EMP2: variants seen among roughly 807,000 people sequenced by gnomAD.
EMP2 encodes the protein epithelial membrane protein 2.
Under a neutral mutation model 13.7 loss-of-function variants are expected in EMP2, and 19 were observed. The observed-to-expected ratio is 1.38, with a 90% confidence interval of 0.97 to 2.03. The LOEUF (loss-of-function observed/expected upper bound fraction) is 2.03, where lower values mean the gene tolerates loss of function less well. EMP2 is among the 30% of genes most tolerant of loss of function. The pLI, the probability that EMP2 is intolerant of heterozygous loss-of-function variation, is 0.00. For synonymous variants in EMP2, 97 were observed against 84.7 expected, an observed-to-expected ratio of 1.15 and a Z score of -0.80; for missense variants, 253 against 220.7, an observed-to-expected ratio of 1.15 and a Z score of -0.93.
chr16:10,549,624 T>G lies in EMP2; in HGVS notation c.-60-1947A>C, dbSNP rs147989176. On this transcript the variant is annotated intron_variant, in intron 1 of 4. Coordinates refer to ENST00000359543, the MANE Select transcript of EMP2 (RefSeq NM_001424.6). ...TACATTTTTTTGGAAAAAAATTAAT[T>G]TGTAGTTTCATGTTTTGAAGTACAG... Among the ~76,000 whole-genome samples, 16 of 152,182 alleles carry G rather than the reference T, an allele frequency of 1.1e-4. No homozygotes were observed. In the East Asian group the frequency reaches 2.9e-3, roughly 28 times the overall value.
chr16:10,543,749 C>T, intron 2 of EMP2, 89 bp from the exon 3 acceptor site: 1 of 1,258,560 alleles, frequency 7.9e-7, no homozygotes, highest in Non-Finnish European at 1.2e-6. Flanking sequence ...TGGTGGGCTT[C>T]CAGGATTCTC....
At position 10,531,793 on chromosome 16, in the gene EMP2, T is replaced by G. The variant is rs1026594945; in HGVS notation, c.*1112A>C. The G allele has an allele frequency of 6.5e-6, 1 of 153,018 alleles. No individual in the cohort carries two copies. The highest frequency in any genetic ancestry group is 2.0e-4 in the South Asian group (1 of 4,882). The allele number at this position is 153,018 out of a possible 1,614,324, so 9.5% of individuals were successfully genotyped here. A position where few individuals can be genotyped will look rare whatever the true frequency, so the allele number is the denominator to read the frequency against. ...AATGAATGAATGAATGAATGAATGG[T>G]GGATGGGTCCTCTGAGGCTCTAGAA... On this transcript the variant is annotated 3_prime_UTR_variant, in exon 5 of 5. Transcript: ENST00000359543.
At chr16:10,552,559 A>C (rs761342386) in intron 1 of EMP2, among the ~76,000 whole-genome samples, 4 of 152,224 alleles carry the variant, frequency 2.6e-5, no homozygotes, top group Non-Finnish European at 4.4e-5. Flanking sequence ...AAAAAGAGAA[A>C]ACAGATCTTT....
At chr16:10,540,132 T>C (rs1015907332) in intron 3 of EMP2, among the ~76,000 whole-genome samples, 1 of 152,172 alleles carries the variant, frequency 6.6e-6, no homozygotes, top group Non-Finnish European at 1.5e-5. Flanking sequence ...GCCCCTGAGA[T>C]GGGTGTATGT....
intron 4 of EMP2, among the ~76,000 whole-genome samples, chr16:10,534,077 T>G (rs2050629252): frequency 6.6e-6 from 1 of 151,546 alleles, no homozygotes. Context: ...ATCGCACCAC[T>G]GCACTCCAGC....
At chr16:10,574,049 T>G (rs1404636957) in intron 1 of EMP2, among the ~76,000 whole-genome samples, 1 of 150,874 alleles carries the variant, frequency 6.6e-6, no homozygotes, top group Non-Finnish European at 1.5e-5. Context: ...GCGATTCTTG[T>G]GCCTCAGCCT....
At chr16:10,574,932 G>C (rs1247829045) in intron 1 of EMP2, among the ~76,000 whole-genome samples, 1 of 152,054 alleles carries the variant, frequency 6.6e-6, no homozygotes, top group Admixed American at 6.6e-5. Context: ...ATAGCTCACT[G>C]CATCCTCAAA....
chr16:10,579,670 C>G (rs940861454), intron 1 of EMP2, among the ~76,000 whole-genome samples: 2 of 151,134 alleles, frequency 1.3e-5, no homozygotes, highest in African/African-American at 2.4e-5. Flanking sequence ...CCTCTCCAAG[C>G]CCCTTACTTA....
intron 1 of EMP2, among the ~76,000 whole-genome samples, chr16:10,577,360 C>T (rs929702124): frequency 1.3e-5 from 2 of 152,136 alleles, no homozygotes; most frequent in Non-Finnish European, 2.9e-5. Context: ...GTCAGGTTAC[C>T]AGCCCGGCAC....
intron 1 of EMP2, among the ~76,000 whole-genome samples, chr16:10,578,755 C>A (rs1246720581): frequency 6.6e-6 from 1 of 152,264 alleles, no homozygotes; most frequent in African/African-American, 2.4e-5. Flanking sequence ...CTGCCTCCTA[C>A]TCGACTCCCT....
In EMP2 at chr16:10,547,571, G is replaced by A. The variant is rs1189958362; in HGVS notation, c.47C>T (p.Ala16Val). The change falls in exon 2 of 5, where the codon GCA becomes GTA. Residue 16 changes from alanine (A) to valine (V), a missense_variant. Coordinates refer to ENST00000359543, the MANE Select transcript of EMP2 (RefSeq NM_001424.6). ...GACGGTGGCAATGAACAGCAAGGCT[G>A]CAGAGGTGATGTGGAAGGCGATGAT... is the stretch of plus-strand genomic sequence containing the variant. ...AFIIAFHITS[A>V]ALLFIATVDN... The A allele has an allele frequency of 6.2e-7, 1 of 1,614,158 alleles. No individual in the cohort carries two copies.
At chr16:10,565,204 C>G (rs2050899020) in intron 1 of EMP2, among the ~76,000 whole-genome samples, 1 of 152,188 alleles carries the variant, frequency 6.6e-6, no homozygotes, top group African/African-American at 2.4e-5. Flanking sequence ...TTACTTAATG[C>G]TATGTGTCTG....
chr16:10,567,414 C>T (rs1389436687), intron 1 of EMP2, among the ~76,000 whole-genome samples: 9 of 152,214 alleles, frequency 5.9e-5, no homozygotes, highest in African/African-American at 1.9e-4. Flanking sequence ...CCTCTGAGGG[C>T]AGGGAGCATG....
intron 3 of EMP2, among the ~76,000 whole-genome samples, chr16:10,540,483 G>A (rs960978816): frequency 1.4e-5 from 2 of 139,776 alleles, no homozygotes; most frequent in Non-Finnish European, 3.1e-5. Context: ...TCCAGCCTGG[G>A]TGACAGAGCG....
Position 10,530,371 on chromosome 16 carries a change from T to C in EMP2, c.*2534A>G, listed in dbSNP as rs1331141615. The C allele has an allele frequency of 6.6e-6, 1 of 152,526 alleles. No homozygotes were observed. The highest frequency in any genetic ancestry group is 1.5e-5 in the Non-Finnish European group (1 of 68,046). The allele number at this position is 152,526 out of a possible 1,614,324, so 9.4% of individuals were successfully genotyped here. A position where few individuals can be genotyped will look rare whatever the true frequency, so the allele number is the denominator to read the frequency against. ...TCCTGCATTGAAGAGATATCCATGG[T>C]GGCCCTAAAACTACTCAAACCAGAT... On this transcript the variant is annotated 3_prime_UTR_variant, in exon 5 of 5. Transcript: ENST00000359543.
At chr16:10,562,370 C>CTCTCTCTA (rs2050878041) in intron 1 of EMP2, among the ~76,000 whole-genome samples, 1 of 149,314 alleles carries the variant, frequency 6.7e-6, no homozygotes, top group Non-Finnish European at 1.5e-5. Context: ...CTCTCTCTCT[C>CTCTCTCTA]TCTCTCTCTC....
At chr16:10,543,374 C>T (rs905350503) in intron 3 of EMP2, among the ~76,000 whole-genome samples, 196 bp downstream of exon 3, 1 of 152,276 alleles carries the variant, frequency 6.6e-6, no homozygotes, top group Non-Finnish European at 1.5e-5. Flanking sequence ...CTCCAGCCTC[C>T]GGCTTCTCCA....
rs115795052 is a variant in EMP2 at position 10,569,455 on chromosome 16, C to T, written c.-61+11094G>A. Among the ~76,000 whole-genome samples the T allele has an allele frequency of 5.8e-3, 885 of 152,240 alleles. 10 individuals are homozygous for T. The highest frequency in any genetic ancestry group is 0.02 in the African/African-American group (850 of 41,532). ...TCAGGTGATCCTTTTGCCTCAGCCT[C>T]CTACAGGTGCATGCCACCATACCTG... On this transcript the variant is annotated intron_variant, in intron 1 of 4. Transcript: ENST00000359543.
chr16:10,574,677 A>G (rs1335111387), intron 1 of EMP2, among the ~76,000 whole-genome samples: 1 of 151,576 alleles, frequency 6.6e-6, no homozygotes, highest in Non-Finnish European at 1.5e-5. Flanking sequence ...TCAGCCTCCC[A>G]AGTAGCTGGG....
Sources: allele counts gnomAD v4.1 joint callset (sites outside exome capture counted in the v4.1 genomes callset), GRCh38; gene constraint gnomAD v4.1.1; transcripts MANE v1.5; gene names NCBI Gene and HGNC (gene_info 2026-07-23, HGNC 2026-07-21).